Variants in LDLRAD4 observed in about 807,000 individuals in gnomAD.
LDLRAD4 encodes the protein low-density lipoprotein receptor class A domain-containing protein 4.
In LDLRAD4, 5 loss-of-function variants were observed where a neutral mutation model predicts 17.0. The observed-to-expected ratio is 0.29, with a 90% CI of 0.15 to 0.62. The LOEUF is 0.62. Among genes scored for constraint, LDLRAD4 ranks in the 20% least tolerant of loss-of-function variants. The pLI is 0.84. For missense variants in LDLRAD4, 340 were observed against 424.7 expected, an observed-to-expected ratio of 0.80 and a Z score of 1.75; for synonymous variants, 168 against 171.8, an observed-to-expected ratio of 0.98 and a Z score of 0.17.
intron 3 of LDLRAD4, among the ~76,000 whole-genome samples, chr18:13,558,625 A>G (rs2094508281): frequency 6.6e-6 from 1 of 152,248 alleles, no homozygotes; most frequent in African/African-American, 2.4e-5. Flanking sequence ...AATGTTTATC[A>G]GCTAGCTGAA....
At chr18:13,515,660 T>A (rs1000490328) in intron 3 of LDLRAD4, 2 of 152,250 alleles carry the variant, frequency 1.3e-5, no homozygotes, top group Admixed American at 1.3e-4. Context: ...TTTTACCTTT[T>A]TAAGGACCTA....
intron 2 of LDLRAD4, among the ~76,000 whole-genome samples, chr18:13,407,927 ACCCCCCTGC>A (rs1489095093): frequency 6.6e-6 from 1 of 152,058 alleles, no homozygotes; most frequent in East Asian, 1.9e-4. Flanking sequence ...GACAAACGGC[ACCCCCCTGC>A]CCATTTCCAC....
At chr18:13,392,668 C>T (rs912204631) in intron 2 of LDLRAD4, among the ~76,000 whole-genome samples, 2 of 152,202 alleles carry the variant, frequency 1.3e-5, no homozygotes, top group Non-Finnish European at 2.9e-5. Flanking sequence ...GAGATTCTGC[C>T]TCTTCCCGGC....
intron 3 of LDLRAD4, among the ~76,000 whole-genome samples, chr18:13,482,352 A>G (rs1343833121): frequency 6.6e-6 from 1 of 152,222 alleles, no homozygotes; most frequent in Non-Finnish European, 1.5e-5. Context: ...GAGGCCCTGC[A>G]GACCACGCCA....
chr18:13,343,892 G>C (rs939387964), intron 1 of LDLRAD4, among the ~76,000 whole-genome samples: 1 of 152,196 alleles, frequency 6.6e-6, no homozygotes, highest in African/African-American at 2.4e-5. Context: ...TTTGAGAAGT[G>C]TCTGTTCATA....
At chr18:13,356,798 A>C (rs2083371343) in intron 1 of LDLRAD4, among the ~76,000 whole-genome samples, 1 of 152,202 alleles carries the variant, frequency 6.6e-6, no homozygotes. Context: ...TTTATCATCC[A>C]AATTTGAGCT....
intron 3 of LDLRAD4, among the ~76,000 whole-genome samples, chr18:13,506,160 T>C (rs2093689209): frequency 6.6e-6 from 1 of 152,202 alleles, no homozygotes; most frequent in African/African-American, 2.4e-5. Context: ...CACCTTCCCC[T>C]GGGCGTGACA....
intron 3 of LDLRAD4, among the ~76,000 whole-genome samples, chr18:13,459,371 G>GTTT (rs71366053): frequency 0.24 from 35,604 of 147,978 alleles, 4,719 homozygotes; most frequent in Middle Eastern, 0.4. Context: ...AACATTTGGT[G>GTTT]TTTTTTTTTT....
chr18:13,292,003 C>G (rs1485895347), intron 1 of LDLRAD4, among the ~76,000 whole-genome samples: 2 of 152,110 alleles, frequency 1.3e-5, no homozygotes, highest in East Asian at 3.8e-4. Flanking sequence ...TCTAGGCTAC[C>G]AAACAGAAGT....
chr18:13,309,551 G>A (rs2047110533), intron 1 of LDLRAD4, among the ~76,000 whole-genome samples: 1 of 152,220 alleles, frequency 6.6e-6, no homozygotes, highest in Non-Finnish European at 1.5e-5. Context: ...GGGCACTCTA[G>A]CACTCTTAAT....
upstream of LDLRAD4, chr18:13,218,648 G>A (rs2041276925): frequency 6.6e-6 from 1 of 152,176 alleles, no homozygotes; most frequent in African/African-American, 2.4e-5. Flanking sequence ...CGCGCTCCCC[G>A]GCCCCGGCCC....
chr18:13,263,151 T>G, intron 1 of LDLRAD4, among the ~76,000 whole-genome samples: 1 of 136,052 alleles, frequency 7.4e-6, no homozygotes, highest in East Asian at 2.3e-4. Flanking sequence ...GAGTCCCGTG[T>G]GGCTCTGTGT....
In LDLRAD4 at chr18:13,645,018, G is replaced by T; in HGVS notation, c.391-109G>T. 4 of 859,956 alleles carry T rather than the reference G, an allele frequency of 4.7e-6. No individual in the cohort carries two copies. The highest frequency in any genetic ancestry group is 1.7e-5 in the South Asian group (1 of 57,346). 53.3% of individuals were successfully genotyped at this position (859,956 alleles called of 1,614,324 possible). A position where few individuals can be genotyped will look rare whatever the true frequency, so the allele number is the denominator to read the frequency against. ...CTTTTTTTTTTTCCTGGGAGATGGT[G>T]TTCAAACTGGTAGGAACACACACCA... On this transcript the variant is annotated intron_variant, in intron 5 of 5. Transcript: ENST00000359446. The surrounding 1 kb of genome is among the most constrained non-coding windows in gnomAD (Gnocchi z 5.7).
Position 13,642,926 on chromosome 18 carries a change from TTG to T in LDLRAD4, c.337-431_337-430del, listed in dbSNP as rs1160571484. Among the ~76,000 whole-genome samples, 407 of 118,062 alleles carry T rather than the reference TTG, an allele frequency of 3.4e-3. 1 individual carries two copies. The highest frequency in any genetic ancestry group is 0.01 in the Middle Eastern group (2 of 200). 77.5% of individuals were successfully genotyped at this position (118,062 alleles called of 152,430 possible). On this transcript the variant is annotated intron_variant, in intron 4 of 5. Coordinates refer to ENST00000359446, the Ensembl canonical transcript of LDLRAD4. ...GTTTGTTTGTTTGTTTATCTATTTT[TTG>T]TTTTTTTTTTTTCTTCTGTTTTTTT...
intron 3 of LDLRAD4, chr18:13,612,676 T>C (rs764928542): frequency 6.8e-6 from 11 of 1,613,830 alleles, no homozygotes; most frequent in African/African-American, 1.3e-5. Context: ...TGCGTCACAG[T>C]TGGACTCCCA....
chr18:13,373,252 A>G (rs1472405452), intron 1 of LDLRAD4, among the ~76,000 whole-genome samples: 1 of 152,052 alleles, frequency 6.6e-6, no homozygotes, highest in Non-Finnish European at 1.5e-5. Flanking sequence ...CTCTGGCTTT[A>G]TACGCTTTGA....
intron 3 of LDLRAD4, among the ~76,000 whole-genome samples, chr18:13,499,178 G>A (rs1361034769): frequency 1.4e-5 from 2 of 146,020 alleles, no homozygotes; most frequent in Non-Finnish European, 3.0e-5. Flanking sequence ...GGACACTGGA[G>A]AATCCTTCTA....
At chr18:13,345,381 C>T (rs1170300251) in intron 1 of LDLRAD4, among the ~76,000 whole-genome samples, 9 of 152,096 alleles carry the variant, frequency 5.9e-5, no homozygotes, top group South Asian at 2.1e-4. Context: ...TGCTGGATTA[C>T]GTTTATTGAT....
At chr18:13,564,386 A>G (rs532963870) in intron 3 of LDLRAD4, among the ~76,000 whole-genome samples, 134 of 107,396 alleles carry the variant, frequency 1.2e-3, no homozygotes, top group African/African-American at 4.4e-3. Flanking sequence ...TTTCCTTGCC[A>G]GCGCGTATAC....
Sources: gnomAD v4.1 joint callset for allele counts (sites outside exome capture counted in the v4.1 genomes callset) on GRCh38, gnomAD v4.1.1 for gene constraint, Gnocchi (gnomAD v3.1) non-coding constraint, MANE v1.5 for transcripts, NCBI Gene and HGNC (gene_info 2026-07-23, HGNC 2026-07-21) for gene names.